Variants in AFF3 observed in about 807,000 individuals in gnomAD.
The protein encoded by AFF3 is ALF transcription elongation factor 3.
AFF3 carries 32 observed loss-of-function variants against 129.7 expected under a neutral mutation model. That is an observed-to-expected ratio of 0.25 (90% CI 0.19 to 0.33). The LOEUF (loss-of-function observed/expected upper bound fraction) is 0.33. AFF3 is among the 10% of genes least tolerant of loss of function. The pLI, the probability that AFF3 is intolerant of heterozygous loss-of-function variation, is 1.00. For synonymous variants in AFF3, 644 were observed against 635.4 expected (o/e 1.01, Z -0.20); for missense variants, 1,373 against 1,592.0 (o/e 0.86, Z 2.34).
intron 8 of AFF3, among the ~76,000 whole-genome samples, chr2:99,763,213 A>C (rs1682759151): frequency 6.6e-6 from 1 of 152,164 alleles, no homozygotes; most frequent in Admixed American, 6.5e-5. Context: ...CCCCCTTTAA[A>C]CACAGATTCC....
chr2:100,029,602 T>C (rs1169214829), intron 4 of AFF3, among the ~76,000 whole-genome samples: 5 of 152,026 alleles, frequency 3.3e-5, no homozygotes, highest in Non-Finnish European at 4.4e-5. Flanking sequence ...AAGAGGAACC[T>C]AGGGTAGTCA....
chr2:100,084,317 T>C (rs1290595348), intron 4 of AFF3, among the ~76,000 whole-genome samples: 6 of 152,242 alleles, frequency 3.9e-5, no homozygotes, highest in African/African-American at 1.2e-4. Flanking sequence ...TTACGCATAT[T>C]AGCTCATTTA....
intron 8 of AFF3, among the ~76,000 whole-genome samples, chr2:99,786,029 A>G (rs1460173718): frequency 6.6e-6 from 1 of 152,250 alleles, no homozygotes; most frequent in Non-Finnish European, 1.5e-5. Flanking sequence ...AAGTGATTTA[A>G]GAAGAACTTG....
chr2:99,822,752 C>A (rs1243728428), intron 8 of AFF3, among the ~76,000 whole-genome samples: 1 of 152,158 alleles, frequency 6.6e-6, no homozygotes, highest in Admixed American at 6.5e-5. Context: ...GGGCTTTATT[C>A]CCATCACAGT....
chr2:100,037,391 ATATT>A (rs928938124), intron 4 of AFF3, among the ~76,000 whole-genome samples: 2 of 140,308 alleles, frequency 1.4e-5, no homozygotes, highest in Non-Finnish European at 3.0e-5. Flanking sequence ...TATGGGGGGT[ATATT>A]TATTTCATAT....
chr2:99,582,075 G>A (rs2104825611), intron 17 of AFF3, among the ~76,000 whole-genome samples: 1 of 151,966 alleles, frequency 6.6e-6, no homozygotes, highest in South Asian at 2.1e-4. Context: ...GGCTGGTCTT[G>A]AACTCCTGAC....
At chr2:99,942,646 T>C (rs1016677940) in intron 7 of AFF3, among the ~76,000 whole-genome samples, 4 of 151,782 alleles carry the variant, frequency 2.6e-5, no homozygotes, top group African/African-American at 4.8e-5. Flanking sequence ...GAGGCAGGAA[T>C]AGGTCAGATA....
At chr2:99,873,728 GTTT>G (rs112561437) in intron 7 of AFF3, among the ~76,000 whole-genome samples, 2 of 138,818 alleles carry the variant, frequency 1.4e-5, no homozygotes, top group South Asian at 2.3e-4. Context: ...CATCTTAGTG[GTTT>G]TTTTTTTTTT....
intron 2 of AFF3, among the ~76,000 whole-genome samples, chr2:100,107,897 A>G (rs1691373557): frequency 6.6e-6 from 1 of 152,202 alleles, no homozygotes. Flanking sequence ...TATCCTGAAG[A>G]CGCAGCTGCA....
chr2:99,568,936 T>A, intron 18 of AFF3, 21 bp from the exon 19 acceptor site: 1 of 1,607,322 alleles, frequency 6.2e-7, no homozygotes, highest in Non-Finnish European at 8.5e-7. Context: ...AGAATGATAT[T>A]AAACGTCATT....
intron 13 of AFF3, among the ~76,000 whole-genome samples, chr2:99,648,170 AG>A (rs1254290643): frequency 1.3e-5 from 2 of 152,178 alleles, no homozygotes; most frequent in Non-Finnish European, 2.9e-5. Context: ...CATTCCAAAA[AG>A]TTCACCCATT....
chr2:100,107,299 C>G (rs1691345254), intron 2 of AFF3: 1 of 985,240 alleles, frequency 1.0e-6, no homozygotes, highest in East Asian at 1.1e-4. Context: ...TATTATTTAT[C>G]TGGTTTATGA....
At chr2:99,608,726 T>A (rs921023354) in intron 13 of AFF3, among the ~76,000 whole-genome samples, 3 of 152,320 alleles carry the variant, frequency 2.0e-5, no homozygotes, top group African/African-American at 4.8e-5. Flanking sequence ...GAGCTCATTA[T>A]TACCAAATCT....
intron 8 of AFF3, among the ~76,000 whole-genome samples, chr2:99,792,533 T>G (rs1685271217): frequency 6.6e-6 from 1 of 152,098 alleles, no homozygotes; most frequent in African/African-American, 2.4e-5. Flanking sequence ...AAAATGAAAT[T>G]GGCAAGAGTA....
At position 99,593,558 on chromosome 2, in the gene AFF3, G is replaced by A. The variant is rs1678952294; in HGVS notation, c.2103C>T (p.Ser701=). 1.9e-6 allele frequency: 3 copies of A among 1,613,178 alleles called. No homozygotes were observed. The highest frequency in any genetic ancestry group is 1.7e-5 in the Admixed American group (1 of 60,012). The change falls in exon 15 of 25, where the codon TCC becomes TCT. Residue 701 remains serine (S), a synonymous_variant. Coordinates refer to ENST00000672756, the MANE Select transcript of AFF3 (RefSeq NM_001386135.1). ...SKAQTVAASA[S]SGNDQRLKEA... is the part of the protein sequence containing the mutation. ...CCTTCAGCCTCTGATCATTCCCGGA[G>A]GAGGCAGAGGCAGCCACGGTCTGTG...
At chr2:99,559,052 A>T in intron 21 of AFF3, 84 bp from the exon 22 acceptor site, 1 of 1,234,340 alleles carries the variant, frequency 8.1e-7, no homozygotes, top group Non-Finnish European at 1.2e-6. Context: ...TTGTTGTTCT[A>T]AGGTACTCAA....
intron 7 of AFF3, among the ~76,000 whole-genome samples, chr2:99,992,409 C>T (rs1047017360): frequency 6.6e-6 from 1 of 152,198 alleles, no homozygotes; most frequent in Non-Finnish European, 1.5e-5. Context: ...AGATAGGAAT[C>T]CACTTATTAT....
At chr2:100,002,090 G>C (rs1681474766) in intron 7 of AFF3, among the ~76,000 whole-genome samples, 3 of 152,238 alleles carry the variant, frequency 2.0e-5, no homozygotes, top group South Asian at 4.1e-4. Flanking sequence ...GGGAAACTGA[G>C]TCTCCAGGCT....
chr2:99,829,250 C>T (rs1267680770), intron 8 of AFF3, among the ~76,000 whole-genome samples: 2 of 152,040 alleles, frequency 1.3e-5, no homozygotes, highest in Non-Finnish European at 2.9e-5. Flanking sequence ...ACTAAAACAC[C>T]AAAAGCAATT....
Sources: allele counts gnomAD v4.1 joint callset (sites outside exome capture counted in the v4.1 genomes callset), GRCh38; gene constraint gnomAD v4.1.1; transcripts MANE v1.5; gene names NCBI Gene and HGNC (gene_info 2026-07-23, HGNC 2026-07-21).